CAMK1D: variants seen among roughly 807,000 people sequenced by gnomAD.
CAMK1D encodes calcium/calmodulin dependent protein kinase ID.
In CAMK1D, 9 loss-of-function variants were observed where a neutral mutation model predicts 47.7. The observed-to-expected ratio is 0.19, with a 90% CI of 0.11 to 0.33. The LOEUF (loss-of-function observed/expected upper bound fraction) is 0.33, where lower values mean the gene tolerates loss of function less well. Among genes scored for constraint, CAMK1D ranks in the 10% least tolerant of loss-of-function variants. CAMK1D has a pLI of 1.00. For missense variants in CAMK1D, 291 were observed against 488.7 expected (o/e 0.60, Z 3.81); for synonymous variants, 184 against 184.9 (o/e 0.99, Z 0.04).
intron 8 of CAMK1D, among the ~76,000 whole-genome samples, chr10:12,822,063 A>C (rs893086909): frequency 3.9e-5 from 6 of 152,220 alleles, no homozygotes; most frequent in African/African-American, 1.4e-4. Context: ...TGGATTGATA[A>C]AGCAATCCTG....
At chr10:12,717,487 G>A (rs1247085166) in intron 3 of CAMK1D, among the ~76,000 whole-genome samples, 5 of 152,094 alleles carry the variant, frequency 3.3e-5, no homozygotes. Context: ...AAGTTTGGAA[G>A]TGGTCTTTTC....
At chr10:12,793,378 G>A (rs1247974845) in intron 6 of CAMK1D, among the ~76,000 whole-genome samples, 1 of 152,142 alleles carries the variant, frequency 6.6e-6, no homozygotes, top group East Asian at 1.9e-4. Flanking sequence ...ACAGCCTTGG[G>A]GTGGGGCATT....
In CAMK1D at chr10:12,522,765, A is replaced by T. The variant is rs112127884; in HGVS notation, c.93-30460A>T. Among the ~76,000 whole-genome samples the T allele has an allele frequency of 3.3e-5, 5 of 150,110 alleles. No individual in the cohort carries two copies. In the East Asian group the frequency reaches 6.0e-4, roughly 18 times the overall value. ...GGCAGAGGGGCTCCTCACTTCCCAG[A>T]AGGGGCGGCCGGGCAGAGGCGCCCA... is the stretch of plus-strand genomic sequence containing the variant. On this transcript the variant is annotated intron_variant, in intron 1 of 10. Transcript: ENST00000619168.
rs1264605915 is a variant in CAMK1D, at chr10:12,600,315, G to A, written c.224+46959G>A. Among the ~76,000 whole-genome samples the A allele has an allele frequency of 3.9e-5, 6 of 152,310 alleles. No individual in the cohort carries two copies. The East Asian group carries it at 1.2e-3, about 29-fold the overall frequency. The stretch of plus-strand genomic sequence containing the variant: ...TTTGAGACCTCCTCAACTCAAGGGG[G>A]ACTTCAGAAACAATGGAATGAAACA... On this transcript the variant is annotated intron_variant, in intron 2 of 10. Coordinates refer to ENST00000619168, the MANE Select transcript of CAMK1D (RefSeq NM_153498.4).
At chr10:12,509,758 A>G (rs961955701) in intron 1 of CAMK1D, among the ~76,000 whole-genome samples, 2 of 152,214 alleles carry the variant, frequency 1.3e-5, no homozygotes, top group African/African-American at 4.8e-5. Flanking sequence ...TTCAAAAAGA[A>G]TGTGACTTCT....
chr10:12,437,965 T>C (rs1048439787), intron 1 of CAMK1D, among the ~76,000 whole-genome samples: 1 of 152,194 alleles, frequency 6.6e-6, no homozygotes, highest in African/African-American at 2.4e-5. Context: ...GCTGGTCACA[T>C]AGGCACCTGC....
At chr10:12,470,353 A>G (rs1257959676) in intron 1 of CAMK1D, among the ~76,000 whole-genome samples, 2 of 152,050 alleles carry the variant, frequency 1.3e-5, no homozygotes, top group African/African-American at 4.8e-5. Flanking sequence ...TTTTTTATGT[A>G]TTTTCCAGAC....
intron 3 of CAMK1D, among the ~76,000 whole-genome samples, chr10:12,684,928 C>G (rs1282456577): frequency 6.6e-6 from 1 of 152,164 alleles, no homozygotes; most frequent in Non-Finnish European, 1.5e-5. Flanking sequence ...AGAACAGCTG[C>G]CTCCTGAGAG....
intron 3 of CAMK1D, among the ~76,000 whole-genome samples, chr10:12,719,584 C>T (rs1730665039): frequency 6.6e-6 from 1 of 152,100 alleles, no homozygotes; most frequent in African/African-American, 2.4e-5. Flanking sequence ...CAATCTTCAA[C>T]AGAATCCTGT....
intron 1 of CAMK1D, among the ~76,000 whole-genome samples, chr10:12,510,438 T>C (rs1368478408): frequency 1.3e-5 from 2 of 151,230 alleles, no homozygotes; most frequent in African/African-American, 4.9e-5. Flanking sequence ...AATAAAAGAG[T>C]GTAGCCACGT....
At chr10:12,401,861 G>A (rs1356763483) in intron 1 of CAMK1D, among the ~76,000 whole-genome samples, 2 of 150,080 alleles carry the variant, frequency 1.3e-5, no homozygotes, top group East Asian at 3.9e-4. Flanking sequence ...CTGAAAAGAG[G>A]CTTTGGTTGT....
chr10:12,771,560 G>A (rs1027995663), intron 5 of CAMK1D, among the ~76,000 whole-genome samples: 20 of 152,146 alleles, frequency 1.3e-4, no homozygotes, highest in African/African-American at 4.3e-4. Flanking sequence ...AGGCTGAGGC[G>A]GGCAGAGAAC....
At chr10:12,673,993 T>A (rs1840713173) in intron 3 of CAMK1D, among the ~76,000 whole-genome samples, 1 of 152,216 alleles carries the variant, frequency 6.6e-6, no homozygotes. Flanking sequence ...TCACCCAGGC[T>A]GGAGGGCACT....
intron 2 of CAMK1D, among the ~76,000 whole-genome samples, chr10:12,578,547 G>A (rs1837563663): frequency 7.2e-6 from 1 of 139,040 alleles, no homozygotes; most frequent in Non-Finnish European, 1.5e-5. Flanking sequence ...TCCAGCCTGG[G>A]CAACAAGAGC....
At chr10:12,751,106 GATAAGATAAGATAAGATA>G (rs1835951171) in intron 3 of CAMK1D, among the ~76,000 whole-genome samples, 1 of 90,498 alleles carries the variant, frequency 1.1e-5, no homozygotes, top group Non-Finnish European at 2.4e-5. Context: ...GATAAGATAA[GATAAGATAAGATAAGATA>G]AGAAGGCTTC....
intron 1 of CAMK1D, among the ~76,000 whole-genome samples, chr10:12,486,161 C>T (rs1834206882): frequency 1.3e-5 from 1 of 76,888 alleles, no homozygotes; most frequent in Admixed American, 1.3e-4. Context: ...ACTTGCCAGT[C>T]TCTTTTTTTT....
intron 1 of CAMK1D, among the ~76,000 whole-genome samples, chr10:12,547,679 C>CTT (rs1428080611): frequency 1.3e-5 from 1 of 78,914 alleles, no homozygotes. Flanking sequence ...CTCTTTCTCT[C>CTT]TCTCACACAC....
intron 3 of CAMK1D, among the ~76,000 whole-genome samples, chr10:12,713,510 G>C (rs1397011451): frequency 2.0e-5 from 3 of 152,230 alleles, no homozygotes; most frequent in Non-Finnish European, 4.4e-5. Context: ...ACGGTACACA[G>C]TTGTTCACTG....
chr10:12,557,119 G>A (rs1225525210), intron 2 of CAMK1D, among the ~76,000 whole-genome samples: 2 of 152,200 alleles, frequency 1.3e-5, no homozygotes, highest in African/African-American at 2.4e-5. Context: ...GGGAGGGCAG[G>A]TCAAGAGTCT....
Sources: gnomAD v4.1 joint callset for allele counts (sites outside exome capture counted in the v4.1 genomes callset) on GRCh38, gnomAD v4.1.1 for gene constraint, MANE v1.5 for transcripts, NCBI Gene and HGNC (gene_info 2026-07-23, HGNC 2026-07-21) for gene names.